MOK: variants seen among roughly 807,000 people sequenced by gnomAD.
MOK encodes MAPK/MAK/MRK overlapping kinase.
In MOK, 59 loss-of-function variants were observed where a neutral mutation model predicts 54.2. The observed-to-expected ratio is 1.09, with a 90% CI of 0.88 to 1.35. The LOEUF (loss-of-function observed/expected upper bound fraction) is 1.35. Among genes scored for constraint, MOK ranks in the 40% most tolerant of loss-of-function variants. The pLI is 0.00. For synonymous variants in MOK, 210 were observed against 202.7 expected (o/e 1.04, Z -0.31); for missense variants, 517 against 526.2 (o/e 0.98, Z 0.17).
intron 2 of MOK, among the ~76,000 whole-genome samples, chr14:102,281,193 G>A (rs1165792329): frequency 1.3e-5 from 2 of 151,952 alleles, no homozygotes; most frequent in Non-Finnish European, 2.9e-5. Context: ...GTGCTGTGAC[G>A]CACGCCTGTA....
chr14:102,281,000 G>A (rs2069360785), intron 2 of MOK, among the ~76,000 whole-genome samples: 2 of 152,058 alleles, frequency 1.3e-5, no homozygotes, highest in Admixed American at 6.6e-5. Flanking sequence ...GAGACCAGCC[G>A]CAATATGGCG....
chr14:102,231,906 T>G lies in MOK; in HGVS notation c.867-85A>C. 4 of 1,145,694 alleles carry G rather than the reference T, an allele frequency of 3.5e-6. No homozygotes were observed. Among genetic ancestry groups the G allele is most frequent in the Non-Finnish European group, 5.1e-6 (4 of 784,608 alleles). 71.0% of individuals were successfully genotyped at this position (1,145,694 alleles called of 1,614,324 possible). On this transcript the variant is annotated intron_variant, in intron 9 of 11. Transcript: ENST00000361847. This position sits in a 1 kb window ranked among gnomAD's most constrained non-coding sequence, Gnocchi z 4.4. The stretch of plus-strand genomic sequence containing the variant: ...TACTGGCTTCTTTGTCTCCAATTTG[T>G]CTACTGTGTGAGTTGTCACTAGCTC...
At chr14:102,262,357 TAGTC>T (rs201079003) in intron 4 of MOK, among the ~76,000 whole-genome samples, 1,571 of 152,290 alleles carry the variant, frequency 0.01, 27 homozygotes, top group African/African-American at 0.035. Context: ...TTCACCTTGT[TAGTC>T]AGGCTGGTCT....
At chr14:102,248,045 A>T (rs765940832) in intron 7 of MOK, among the ~76,000 whole-genome samples, 7 of 152,218 alleles carry the variant, frequency 4.6e-5, no homozygotes, top group Non-Finnish European at 1.0e-4. Context: ...CAGCTCCAAG[A>T]ACGGCAGTCC....
downstream of MOK, chr14:102,226,105 T>C: frequency 1.8e-6 from 1 of 570,522 alleles, no homozygotes; most frequent in Non-Finnish European, 3.1e-6. This position sits in a 1 kb window ranked among gnomAD's most constrained non-coding sequence, Gnocchi z 4.8. Flanking sequence ...TGCTGCCGCC[T>C]GTCACACGAA....
chr14:102,305,076 T>C lies in MOK; in HGVS notation c.-108A>G, dbSNP rs1247126127. The C allele has an allele frequency of 3.0e-6, 4 of 1,322,306 alleles. No homozygotes were observed. In the African/African-American group the frequency reaches 5.8e-5, roughly 19 times the overall value. The allele number at this position is 1,322,306 out of a possible 1,614,324, so 81.9% of individuals were successfully genotyped here. On this transcript the variant is annotated 5_prime_UTR_variant, in exon 1 of 12. It removes the in-frame stop codon of an upstream open reading frame in the 5' UTR. Coordinates refer to ENST00000361847, the MANE Select transcript of MOK (RefSeq NM_014226.3). ...ACTTCCCTGAGGCGGGGTCCCGCACTAGGATCTCCGTGGTGGTCCCTCGAA... is the reference window on the plus strand; with the variant it reads ...ACTTCCCTGAGGCGGGGTCCCGCACCAGGATCTCCGTGGTGGTCCCTCGAA...
intron 7 of MOK, among the ~76,000 whole-genome samples, chr14:102,246,563 C>T (rs1438149795): frequency 6.6e-6 from 1 of 152,104 alleles, no homozygotes; most frequent in Admixed American, 6.6e-5. Flanking sequence ...CCCTCCTCTC[C>T]ACAACATACA....
At chr14:102,297,678 T>G (rs977864161) in intron 1 of MOK, among the ~76,000 whole-genome samples, 1 of 151,494 alleles carries the variant, frequency 6.6e-6, no homozygotes, top group South Asian at 2.1e-4. Context: ...CACCGCGAGG[T>G]GTGGAGGGAG....
chr14:102,263,455 G>T (rs45532034), intron 4 of MOK, 91 bp downstream of exon 4: 35,321 of 915,296 alleles, frequency 0.039, 840 homozygotes, highest in African/African-American at 0.099. Flanking sequence ...ACAGCACTAT[G>T]GTGACTAATG....
chr14:102,267,857 G>A (rs1010890758), intron 2 of MOK, among the ~76,000 whole-genome samples: 4 of 152,052 alleles, frequency 2.6e-5, no homozygotes, highest in African/African-American at 9.7e-5. Flanking sequence ...GAACTAGGGA[G>A]TGCTGAACAA....
At chr14:102,214,656 G>T in the MOK span, 1 of 984,370 alleles carries the variant, frequency 1.0e-6, no homozygotes, top group Non-Finnish European at 1.2e-6. Flanking sequence ...GTATAAAATT[G>T]TATGGATATT....
intron 1 of MOK, among the ~76,000 whole-genome samples, chr14:102,302,662 G>A (rs186810053): frequency 9.6e-4 from 145 of 151,512 alleles, no homozygotes; most frequent in Non-Finnish European, 1.8e-3. Context: ...TGATCTGCCC[G>A]CCTCGGCCTC....
At position 102,229,206 on chromosome 14, in the gene MOK, T is replaced by C; in HGVS notation, c.*83A>G. On this transcript the variant is annotated 3_prime_UTR_variant, in exon 12 of 12. Coordinates refer to ENST00000361847, the MANE Select transcript of MOK (RefSeq NM_014226.3). ...ACGCAGGCGCATCCCCAGCCCTCCG[T>C]GGCGTCTCAGCAGCAGATCACCCAG... 7.1e-7 allele frequency: 1 copy of C among 1,399,180 alleles called. No individual in the cohort carries two copies. The highest frequency in any genetic ancestry group is 9.7e-7 in the Non-Finnish European group (1 of 1,027,248). 86.7% of individuals were successfully genotyped at this position (1,399,180 alleles called of 1,614,324 possible). A position where few individuals can be genotyped will look rare whatever the true frequency, so the allele number is the denominator to read the frequency against.
At chr14:102,220,784 A>AT (rs1193259941), downstream of MOK, among the ~76,000 whole-genome samples, 1 of 151,312 alleles carries the variant, frequency 6.6e-6, no homozygotes, top group Non-Finnish European at 1.5e-5. This position sits in a 1 kb window ranked among gnomAD's most constrained non-coding sequence, Gnocchi z 4.2. Flanking sequence ...CTATCTTTTC[A>AT]TTTTTTGAGA....
At chr14:102,271,565 A>C (rs1439273339) in intron 2 of MOK, among the ~76,000 whole-genome samples, 1 of 151,868 alleles carries the variant, frequency 6.6e-6, no homozygotes, top group Non-Finnish European at 1.5e-5. Flanking sequence ...CCTAACAAAA[A>C]CTTTTTTTTT....
downstream of MOK, chr14:102,222,683 T>C (rs745588070): frequency 1.3e-5 from 10 of 771,798 alleles, no homozygotes; most frequent in Non-Finnish European, 2.3e-5. The surrounding 1 kb of genome is among the most constrained non-coding windows in gnomAD (Gnocchi z 4.4). Flanking sequence ...AGGAATTAAA[T>C]AGATGAAGTG....
chr14:102,293,382 T>C (rs982389521), intron 1 of MOK, among the ~76,000 whole-genome samples: 1 of 152,078 alleles, frequency 6.6e-6, no homozygotes, highest in Admixed American at 6.6e-5. Context: ...ATAATGATCA[T>C]ACACACAACA....
chr14:102,249,525 C>T lies in MOK; in HGVS notation c.590+1287G>A, dbSNP rs911661242. On this transcript the variant is annotated intron_variant, in intron 7 of 11. Transcript: ENST00000361847. This position sits in a 1 kb window ranked among gnomAD's most constrained non-coding sequence, Gnocchi z 5.3. Reference sequence around the variant, plus strand: ...AGGAGTTCAAGACCAGCCTGACCAACATGGAGAAACCCCGTCTCTACTAAA... The same window carrying T: ...AGGAGTTCAAGACCAGCCTGACCAATATGGAGAAACCCCGTCTCTACTAAA... Among the ~76,000 whole-genome samples, 5 of 152,204 alleles carry T rather than the reference C, an allele frequency of 3.3e-5. No individual in the cohort carries two copies. In the South Asian group the frequency reaches 1.0e-3, roughly 32 times the overall value.
chr14:102,220,733 AAAAAG>A (rs1233052814), downstream of MOK, among the ~76,000 whole-genome samples: 15 of 152,078 alleles, frequency 9.9e-5, no homozygotes, highest in African/African-American at 2.9e-4. This position sits in a 1 kb window ranked among gnomAD's most constrained non-coding sequence, Gnocchi z 4.2. Context: ...AAAAAAAAAA[AAAAAG>A]AAAATATTAA....
Sources: gnomAD v4.1 joint callset for allele counts (sites outside exome capture counted in the v4.1 genomes callset) on GRCh38, gnomAD v4.1.1 for gene constraint, Gnocchi (gnomAD v3.1) non-coding constraint, MANE v1.5 for transcripts, NCBI Gene and HGNC (gene_info 2026-07-23, HGNC 2026-07-21) for gene names.